Variants in NAGK observed in about 807,000 individuals in gnomAD.
The protein encoded by NAGK is N-acetylglucosamine kinase, also known as N-acetyl-D-glucosamine kinase.
A neutral mutation model predicts 42.9 loss-of-function variants in NAGK; 35 were observed. The observed-to-expected ratio is 0.82, with a 90% CI of 0.62 to 1.08. NAGK has a LOEUF of 1.08. Ranked by LOEUF, NAGK falls within the 50% of genes least tolerant of loss-of-function variation. NAGK has a pLI of 0.00. For missense variants in NAGK, 446 were observed against 446.0 expected (o/e 1.00, Z 0.00); for synonymous variants, 172 against 176.0 (o/e 0.98, Z 0.18).
At chr2:71,068,534 C>T, upstream of NAGK, 2 of 1,466,028 alleles carry the variant, frequency 1.4e-6, no homozygotes, top group Non-Finnish European at 9.0e-7. Flanking sequence ...CTACCGGCGC[C>T]CCGCCCCGCG....
Position 71,070,571 on chromosome 2 carries a change from G to T in NAGK, c.99G>T (p.Leu33=). The change falls in exon 2 of 10, where the codon CTG becomes CTT. Residue 33 remains leucine (L), a synonymous_variant. Coordinates refer to ENST00000244204, the MANE Select transcript of NAGK (RefSeq NM_017567.6). ...DGKILAEADG[L]STNHWLIGTD... ...AGATCCTGGCAGAAGCAGATGGACT[G>T]AGCACAAACCACTGGGTAAAAACCA... The T allele has an allele frequency of 6.2e-7, 1 of 1,613,956 alleles. No homozygotes were observed. Among genetic ancestry groups the T allele is most frequent in the South Asian group, 1.1e-5 (1 of 91,024 alleles).
intron 6 of NAGK, among the ~76,000 whole-genome samples, chr2:71,074,000 C>T (rs1328288150): frequency 6.6e-6 from 1 of 152,062 alleles, no homozygotes; most frequent in Non-Finnish European, 1.5e-5. Context: ...CTGGATGGGT[C>T]AAGAGAGCCC....
At chr2:71,077,492 A>G in intron 8 of NAGK, 66 bp from the exon 9 acceptor site, 1 of 1,503,572 alleles carries the variant, frequency 6.7e-7, no homozygotes, top group South Asian at 1.2e-5. Context: ...GGTCATAGGA[A>G]ACTCCCGCCT....
At chr2:71,075,312 T>C (rs952351755) in intron 6 of NAGK, 2 of 421,766 alleles carry the variant, frequency 4.7e-6, no homozygotes. Context: ...GGAAACACTT[T>C]GGTTAACACA....
Position 71,077,637 on chromosome 2 carries a change from G to C in NAGK, c.844+1G>C. On this transcript the variant is annotated splice_donor_variant, in intron 9 of 9. Coordinates refer to ENST00000244204, the MANE Select transcript of NAGK (RefSeq NM_017567.6). LOFTEE classifies it high-confidence loss of function. ...AAGAGCTGGGAGCTGCTGAAGGAAGGTGAGCCTGGGGGGAGGCTGGAAGGG... is the reference window on the plus strand; with the variant it reads ...AAGAGCTGGGAGCTGCTGAAGGAAGCTGAGCCTGGGGGGAGGCTGGAAGGG... The C allele has an allele frequency of 1.2e-6, 2 of 1,603,178 alleles. No individual in the cohort carries two copies. Among genetic ancestry groups the C allele is most frequent in the East Asian group, 2.3e-5 (1 of 44,338 alleles).
intron 5 of NAGK, 125 bp from the exon 6 acceptor site, chr2:71,073,357 G>T: frequency 3.4e-6 from 2 of 590,878 alleles, no homozygotes; most frequent in South Asian, 1.8e-5. Context: ...ACCCCTGGCT[G>T]GGAATCAGGA....
intron 1 of NAGK, chr2:71,069,307 C>T (rs1399506232): frequency 6.1e-6 from 1 of 162,960 alleles, no homozygotes; most frequent in African/African-American, 2.4e-5. Context: ...TGACCATGGA[C>T]AAGATATTTA....
At chr2:71,070,672 G>C in intron 2 of NAGK, 69 bp from the exon 3 acceptor site, 1 of 1,607,786 alleles carries the variant, frequency 6.2e-7, no homozygotes. Context: ...GGGACTCACA[G>C]AGCAGCCTGT....
chr2:71,069,888 A>G (rs1474338609), intron 1 of NAGK: 1 of 158,166 alleles, frequency 6.3e-6, no homozygotes, highest in Non-Finnish European at 1.4e-5. Context: ...TTGCTTAAGT[A>G]TGTATGAAGT....
At chr2:71,068,543 C>T (rs930663110), upstream of NAGK, 4 of 1,473,058 alleles carry the variant, frequency 2.7e-6, no homozygotes, top group South Asian at 1.3e-5. Flanking sequence ...CCCCGCCCCG[C>T]GCATGCGCAC....
intron 8 of NAGK, 129 bp from the exon 9 acceptor site, chr2:71,077,429 A>G: frequency 1.3e-6 from 1 of 784,858 alleles, no homozygotes. Context: ...CCCTTTCCTG[A>G]GTCTGTCTAC....
chr2:71,076,492 C>T (rs998511753), intron 7 of NAGK, 112 bp from the exon 8 acceptor site: 4 of 819,350 alleles, frequency 4.9e-6, no homozygotes, highest in South Asian at 3.4e-5. Context: ...GCAGTAGACT[C>T]CTAGCTCAGG....
rs148054431 is a variant in NAGK, at chr2:71,075,580, C to G, written c.605C>G (p.Thr202Ser). 14 of 1,614,076 alleles carry G rather than the reference C, an allele frequency of 8.7e-6. No homozygotes were observed. The highest frequency in any genetic ancestry group is 1.3e-5 in the African/African-American group (1 of 75,046). ...GTGCCAGATCGGCTAGGGATACTCA[C>G]TCACCTGTATAGGGACTTTGATAAA... Reference protein sequence around the residue: ...FQVPDRLGILTHLYRDFDKCR... With the variant: ...FQVPDRLGILSHLYRDFDKCR... The change falls in exon 7 of 10, where the codon ACT becomes AGT. Residue 202 changes from threonine to serine, a missense_variant. Transcript: ENST00000244204.
chr2:71,073,335 C>CCCCCCCCCG, intron 5 of NAGK, 147 bp from the exon 6 acceptor site: 2 of 524,958 alleles, frequency 3.8e-6, no homozygotes, highest in South Asian at 1.8e-5. Flanking sequence ...CCCCCCTCTC[C>CCCCCCCCCG]CACCCCCTGC....
At chr2:71,068,567 C>T, upstream of NAGK, 1 of 1,516,166 alleles carries the variant, frequency 6.6e-7, no homozygotes, top group Non-Finnish European at 8.8e-7. Context: ...CACAGGGAGT[C>T]AGCTGGCTGC....
intron 6 of NAGK, chr2:71,075,111 G>C (rs1672160810): frequency 6.4e-6 from 1 of 155,658 alleles, no homozygotes; most frequent in Non-Finnish European, 1.4e-5. Context: ...GACTCCCCAA[G>C]GGAGAGTTAC....
chr2:71,077,733 C>G (rs1572984665), intron 9 of NAGK, 97 bp downstream of exon 9: 1 of 1,364,224 alleles, frequency 7.3e-7, no homozygotes, highest in East Asian at 2.5e-5. Context: ...AACCTGCTTC[C>G]TGGACCCTGA....
chr2:71,075,413 T>A (rs1183544033), intron 6 of NAGK, 142 bp from the exon 7 acceptor site: 1 of 618,950 alleles, frequency 1.6e-6, no homozygotes, highest in Non-Finnish European at 2.9e-6. Flanking sequence ...AAATGAGAAA[T>A]CTCAAATCCC....
intron 6 of NAGK, 68 bp from the exon 7 acceptor site, chr2:71,075,487 A>G: frequency 7.6e-7 from 1 of 1,317,790 alleles, no homozygotes; most frequent in Non-Finnish European, 1.1e-6. Flanking sequence ...AGGAAGGCCA[A>G]CTTTGGTGGG....
Sources: allele counts gnomAD v4.1 joint callset (sites outside exome capture counted in the v4.1 genomes callset), GRCh38; gene constraint gnomAD v4.1.1; transcripts MANE v1.5; gene names NCBI Gene and HGNC (gene_info 2026-07-23, HGNC 2026-07-21).